The following MEAF6 variants were observed in gnomAD, a reference collection of about 807,000 sequenced individuals.
MEAF6 encodes MYST/Esa1 associated factor 6.
MEAF6 carries 15 observed loss-of-function variants against 28.9 expected under a neutral mutation model. The observed-to-expected ratio is 0.52, with a 90% CI of 0.35 to 0.80. MEAF6 has a LOEUF of 0.80. Among genes scored for constraint, MEAF6 ranks in the 30% least tolerant of loss-of-function variants. MEAF6 has a pLI of 0.01. For synonymous variants in MEAF6, 97 were observed against 88.7 expected (o/e 1.09, Z -0.53); for missense variants, 178 against 237.5 (o/e 0.75, Z 1.65).
At position 37,496,620 on chromosome 1, in the gene MEAF6, TA is replaced by T. The variant is rs1457032638; in HGVS notation, c.534-703del. ...ATATACATACCTACAATTAAACAGA[TA>T]AACTATGGGTTAGAAAGGTCTCAAA... On this transcript the variant is annotated intron_variant, in intron 5 of 6. Coordinates refer to ENST00000296214, the MANE Select transcript of MEAF6 (RefSeq NM_001270875.3). The T allele has an allele frequency of 1.9e-6, 3 of 1,542,436 alleles. No homozygotes were observed. In the African/African-American group the frequency reaches 4.2e-5, roughly 21 times the overall value.
At chr1:37,504,286 C>A (rs935044360) in intron 4 of MEAF6, among the ~76,000 whole-genome samples, 9 of 152,174 alleles carry the variant, frequency 5.9e-5, no homozygotes, top group African/African-American at 2.2e-4. Flanking sequence ...AATTAAACAT[C>A]TTTCCTTTAT....
In MEAF6 at chr1:37,492,034, A is replaced by T. The variant is rs908114965; in HGVS notation, c.*2065T>A. On this transcript the variant is annotated 3_prime_UTR_variant, in exon 7 of 7. Transcript: ENST00000296214. ...TCTCAAACTGTTAAGAGTCAAAAAT[A>T]TTTTTTTTTTTTGAGATGGAGTCTC... Among the ~76,000 whole-genome samples the T allele has an allele frequency of 4.3e-5, 6 of 138,380 alleles. No homozygotes were observed. Among genetic ancestry groups the T allele is most frequent in the East Asian group, 2.1e-4 (1 of 4,856 alleles). The allele number at this position is 138,380 out of a possible 152,430, so 90.8% of individuals were successfully genotyped here. A position where few individuals can be genotyped will look rare whatever the true frequency, so the allele number is the denominator to read the frequency against.
At chr1:37,498,409 T>TTTTTTATTA (rs1258850749) in intron 5 of MEAF6, among the ~76,000 whole-genome samples, 1 of 122,538 alleles carries the variant, frequency 8.2e-6, no homozygotes, top group African/African-American at 2.7e-5. Flanking sequence ...TATGTTATTT[T>TTTTTTATTA]TTATTATTAT....
intron 2 of MEAF6, among the ~76,000 whole-genome samples, chr1:37,510,662 G>A (rs1642639860): frequency 6.6e-6 from 1 of 152,138 alleles, no homozygotes; most frequent in Admixed American, 6.6e-5. Context: ...GATTACAGGT[G>A]TGAGCCACTG....
intron 4 of MEAF6, among the ~76,000 whole-genome samples, chr1:37,506,809 G>A (rs183981198): frequency 6.6e-6 from 1 of 152,166 alleles, no homozygotes; most frequent in Non-Finnish European, 1.5e-5. Context: ...CTCCTGAGTA[G>A]CTGGGACTAT....
rs146617881 is a variant in MEAF6, at chr1:37,497,345, TCTC to T, written c.534-1430_534-1428del. Among the ~76,000 whole-genome samples, 26 of 151,914 alleles carry T rather than the reference TCTC, an allele frequency of 1.7e-4. No homozygotes were observed. The East Asian group carries it at 3.9e-3, about 23-fold the overall frequency. On this transcript the variant is annotated intron_variant, in intron 5 of 6. Coordinates refer to ENST00000296214, the MANE Select transcript of MEAF6 (RefSeq NM_001270875.3). The stretch of plus-strand genomic sequence containing the variant: ...GCTCTGCCTCCCGGGTTCACGCCAT[TCTC>T]CTGCCTCAGCCTCCCTCAAGTTATA...
At chr1:37,514,633 G>T in intron 1 of MEAF6, 24 bp downstream of exon 1, 1 of 1,492,488 alleles carries the variant, frequency 6.7e-7, no homozygotes. Flanking sequence ...CCCATGCCGT[G>T]CAACCCCTGT....
intron 4 of MEAF6, among the ~76,000 whole-genome samples, chr1:37,509,016 G>A (rs1241710126): frequency 6.6e-6 from 1 of 152,188 alleles, no homozygotes; most frequent in East Asian, 1.9e-4. Context: ...AGGACTGCTT[G>A]AGCCTAGGAG....
chr1:37,501,988 C>T lies in MEAF6; in HGVS notation c.349G>A (p.Gly117Arg). 1 of 1,601,892 alleles carries T rather than the reference C, an allele frequency of 6.2e-7. No homozygotes were observed. Among genetic ancestry groups the T allele is most frequent in the Non-Finnish European group, 8.5e-7 (1 of 1,171,316 alleles). ...QDQLIEKREP[G>R]SGTESDTSPD... ...GAAGTGTCACTTTCCGTCCCACTTC[C>T]TGGCTCCCCTGAAGGAAATAAAACA... Residue 117 changes from glycine (G) to arginine (R), a missense_variant, in exon 5 of 7, where the codon GGA becomes AGA. Physicochemically the swap from Gly to Arg is moderately radical, Grantham distance 125. Coordinates refer to ENST00000296214, the MANE Select transcript of MEAF6 (RefSeq NM_001270875.3).
At chr1:37,498,539 C>A (rs1642195123) in intron 5 of MEAF6, among the ~76,000 whole-genome samples, 1 of 151,682 alleles carries the variant, frequency 6.6e-6, no homozygotes, top group Admixed American at 6.6e-5. Flanking sequence ...ATCCTCCAGC[C>A]TCATCTCATC....
intron 4 of MEAF6, among the ~76,000 whole-genome samples, chr1:37,502,492 G>A (rs1268897913): frequency 6.6e-6 from 1 of 151,126 alleles, no homozygotes. Context: ...AAAAGGGGGG[G>A]CCAAAGAGGG....
chr1:37,497,686 G>A (rs573041106), intron 5 of MEAF6, among the ~76,000 whole-genome samples: 1 of 152,154 alleles, frequency 6.6e-6, no homozygotes, highest in African/African-American at 2.4e-5. Flanking sequence ...CCGCCTCCTG[G>A]GTTCAAACGA....
At chr1:37,513,929 C>T (rs754030408) in intron 1 of MEAF6, 39 of 240,652 alleles carry the variant, frequency 1.6e-4, no homozygotes, top group Non-Finnish European at 2.7e-4. Flanking sequence ...AACTCGCTCC[C>T]CTCCCCGCAG....
chr1:37,510,068 C>T (rs1215615112), intron 2 of MEAF6, among the ~76,000 whole-genome samples: 2 of 150,892 alleles, frequency 1.3e-5, no homozygotes, highest in Admixed American at 6.6e-5. Flanking sequence ...TGAGCCACCG[C>T]GCCCAGACAT....
At chr1:37,514,532 C>G (rs2294874) in intron 1 of MEAF6, 125 bp downstream of exon 1, 4 of 618,164 alleles carry the variant, frequency 6.5e-6, no homozygotes, top group African/African-American at 2.0e-5. Flanking sequence ...CTCAGGCCGC[C>G]GAGCACCCGG....
At position 37,494,087 on chromosome 1, in the gene MEAF6, C is replaced by T. The variant is rs200096904; in HGVS notation, c.*12G>A. 41 of 1,612,660 alleles carry T rather than the reference C, an allele frequency of 2.5e-5. No homozygotes were observed. The highest frequency in any genetic ancestry group is 3.4e-5 in the Non-Finnish European group (40 of 1,179,646). ...GCTCTACAGCCTGGAAGCTTCTGCA[C>T]TAATGTGTCTTCTAATAGTCCTAAA... On this transcript the variant is annotated 3_prime_UTR_variant, in exon 7 of 7. Coordinates refer to ENST00000296214, the MANE Select transcript of MEAF6 (RefSeq NM_001270875.3).
intron 5 of MEAF6, among the ~76,000 whole-genome samples, chr1:37,500,046 C>T (rs559568286): frequency 1.3e-5 from 2 of 152,214 alleles, no homozygotes; most frequent in African/African-American, 2.4e-5. Flanking sequence ...GTGGCTCATG[C>T]CAGTAATCCC....
rs373036501 is a variant in MEAF6, at chr1:37,514,723, C to T, written c.24G>A (p.Ala8=). 6.5e-7 allele frequency: 1 copy of T among 1,533,030 alleles called. No homozygotes were observed. The allele number at this position is 1,533,030 out of a possible 1,614,324, so 95.0% of individuals were successfully genotyped here. The change falls in exon 1 of 7, where the codon GCG becomes GCA. Residue 8 remains alanine, a synonymous_variant. Coordinates refer to ENST00000296214, the MANE Select transcript of MEAF6 (RefSeq NM_001270875.3). MAMHNKA[A]PPQIPDTRRE... is the part of the protein sequence containing the mutation. Reference sequence around the variant, plus strand: ...GCCGGGTGTCCGGGATCTGCGGCGGCGCCGCCTTGTTGTGCATCGCCATGT... The same window carrying T: ...GCCGGGTGTCCGGGATCTGCGGCGGTGCCGCCTTGTTGTGCATCGCCATGT...
At chr1:37,494,134 A>G (rs1642033656) in intron 6 of MEAF6, 27 bp from the exon 7 acceptor site, 3 of 1,598,698 alleles carry the variant, frequency 1.9e-6, no homozygotes, top group East Asian at 2.2e-5. Flanking sequence ...AAAAGTCCCA[A>G]CTTACTCTCG....
Sources: allele counts gnomAD v4.1 joint callset (sites outside exome capture counted in the v4.1 genomes callset), GRCh38; gene constraint gnomAD v4.1.1; transcripts MANE v1.5; gene names NCBI Gene and HGNC (gene_info 2026-07-23, HGNC 2026-07-21).